Variants in KSR2 observed in about 807,000 individuals in gnomAD.
The protein encoded by KSR2 is kinase suppressor of ras 2.
A neutral mutation model predicts 107.8 loss-of-function variants in KSR2; 25 were observed. That is an observed-to-expected ratio of 0.23 (90% CI 0.17 to 0.32). KSR2 has a LOEUF of 0.32. KSR2 is among the 10% of genes least tolerant of loss of function. The probability of loss-of-function intolerance (pLI) is 1.00; values close to 1 mark genes in which losing one functional copy is unlikely to be tolerated. For missense variants in KSR2, 887 were observed against 1,268.9 expected (o/e 0.70, Z 4.57); for synonymous variants, 480 against 507.0 (o/e 0.95, Z 0.71).
At chr12:117,544,047 A>G (rs890198376) in intron 9 of KSR2, among the ~76,000 whole-genome samples, 5 of 152,184 alleles carry the variant, frequency 3.3e-5, no homozygotes, top group Non-Finnish European at 7.3e-5. Context: ...AAACTTGATT[A>G]TATCTGCAAA....
chr12:117,600,679 T>C (rs980878667), intron 5 of KSR2, among the ~76,000 whole-genome samples: 1 of 152,232 alleles, frequency 6.6e-6, no homozygotes, highest in African/African-American at 2.4e-5. Context: ...ACTTTGTCAA[T>C]AGGACCTTGA....
chr12:117,500,785 G>T (rs766455132), intron 14 of KSR2, among the ~76,000 whole-genome samples: 7 of 152,204 alleles, frequency 4.6e-5, no homozygotes, highest in Non-Finnish European at 8.8e-5. Context: ...TGAATGACTT[G>T]CCCAGTAATC....
intron 5 of KSR2, among the ~76,000 whole-genome samples, chr12:117,652,192 T>G (rs1316095770): frequency 6.6e-6 from 1 of 152,138 alleles, no homozygotes; most frequent in East Asian, 1.9e-4. Flanking sequence ...ATGAAAAGAC[T>G]ACAAATATGG....
intron 1 of KSR2, among the ~76,000 whole-genome samples, chr12:117,940,497 G>A (rs1312908359): frequency 6.6e-6 from 1 of 152,132 alleles, no homozygotes; most frequent in Non-Finnish European, 1.5e-5. Flanking sequence ...ATTTTCATCT[G>A]TATTTGAAAG....
At chr12:117,858,235 C>T (rs543474869) in intron 2 of KSR2, among the ~76,000 whole-genome samples, 5 of 152,264 alleles carry the variant, frequency 3.3e-5, no homozygotes, top group East Asian at 3.9e-4. Context: ...AGAATCGAAT[C>T]GTTTCTACCT....
intron 5 of KSR2, among the ~76,000 whole-genome samples, chr12:117,645,517 C>CT (rs1755388269): frequency 6.6e-6 from 1 of 152,212 alleles, no homozygotes; most frequent in Non-Finnish European, 1.5e-5. Flanking sequence ...CATCTCCTCA[C>CT]TATAGACCCC....
At chr12:117,644,037 C>T (rs563285710) in intron 5 of KSR2, among the ~76,000 whole-genome samples, 90 of 152,296 alleles carry the variant, frequency 5.9e-4, no homozygotes, top group African/African-American at 2.0e-3. Flanking sequence ...ATCTGTCTGT[C>T]GTCCATCCCA....
intron 7 of KSR2, among the ~76,000 whole-genome samples, chr12:117,562,180 C>G (rs1445262315): frequency 2.3e-5 from 3 of 128,814 alleles, no homozygotes; most frequent in African/African-American, 8.9e-5. Context: ...GTTCAAGGGT[C>G]AAAAGTTAAA....
intron 1 of KSR2, among the ~76,000 whole-genome samples, chr12:117,881,576 C>A (rs1894028215): frequency 6.6e-6 from 1 of 152,242 alleles, no homozygotes; most frequent in Non-Finnish European, 1.5e-5. Context: ...TTTGCTCAGG[C>A]TCTTTCTGTA....
At chr12:117,577,368 G>C (rs2063942) in intron 7 of KSR2, among the ~76,000 whole-genome samples, 2 of 127,836 alleles carry the variant, frequency 1.6e-5, no homozygotes, top group African/African-American at 4.1e-5. Context: ...AGAGAGAGAG[G>C]GGGGGAGAGA....
intron 5 of KSR2, among the ~76,000 whole-genome samples, chr12:117,629,601 G>C (rs536543769): frequency 6.6e-6 from 1 of 152,190 alleles, no homozygotes; most frequent in Admixed American, 6.5e-5. Flanking sequence ...TCAGTCACTA[G>C]TTCCATAATC....
chr12:117,582,335 G>T lies in KSR2; in HGVS notation c.1196C>A (p.Ser399Tyr). The change falls in exon 6 of 20, where the codon TCC (serine) becomes TAC (tyrosine). Residue 399 changes from serine (S) to tyrosine (Y), a missense_variant. Transcript: ENST00000339824. ...SANTLSVPRW[S>Y]PQIPRRDLGN... is the part of the protein sequence containing the mutation. ...GAGATCTCTGCGAGGGATCTGCGGG[G>T]ACCAGCGTGGCACTGACAGTGTGTC... is the stretch of plus-strand genomic sequence containing the variant. 6.2e-7 allele frequency: 1 copy of T among 1,613,812 alleles called. No homozygotes were observed. The highest frequency in any genetic ancestry group is 8.5e-7 in the Non-Finnish European group (1 of 1,179,824).
At chr12:117,893,768 G>A (rs1272560878) in intron 1 of KSR2, among the ~76,000 whole-genome samples, 1 of 152,200 alleles carries the variant, frequency 6.6e-6, no homozygotes, top group Admixed American at 6.5e-5. Flanking sequence ...CAAGAATACG[G>A]TAAGGAGAGT....
At chr12:117,833,984 T>A (rs1892089118) in intron 3 of KSR2, among the ~76,000 whole-genome samples, 1 of 151,262 alleles carries the variant, frequency 6.6e-6, no homozygotes, top group Non-Finnish European at 1.5e-5. Context: ...AAATTTTCAT[T>A]AAAAAAATTA....
At position 117,667,647 on chromosome 12, in the gene KSR2, T is replaced by C. The variant is rs1884721578; in HGVS notation, c.998A>G (p.Lys333Arg). 2.5e-6 allele frequency: 4 copies of C among 1,583,046 alleles called. No individual in the cohort carries two copies. The highest frequency in any genetic ancestry group is 2.3e-5 in the South Asian group (2 of 86,360). The change falls in exon 5 of 20, where the codon AAG (lysine) becomes AGG (arginine). Residue 333 changes from lysine to arginine, a missense_variant. Coordinates refer to ENST00000339824, the MANE Select transcript of KSR2 (RefSeq NM_173598.6). ...GATCTTGAGGTTCAAGGGTTTGCTC[T>C]TCTTCTTGGCTCTGAAAGGGAGACA... ...DEAHTPKAKK[K>R]SKPLNLKIHS...
chr12:117,714,474 G>C (rs1886905165), intron 4 of KSR2, among the ~76,000 whole-genome samples: 1 of 152,176 alleles, frequency 6.6e-6, no homozygotes. Context: ...GGGCCATAGG[G>C]AGAGAAAGAA....
intron 5 of KSR2, among the ~76,000 whole-genome samples, chr12:117,638,331 G>A (rs761759573): frequency 1.4e-4 from 21 of 152,054 alleles, no homozygotes; most frequent in Non-Finnish European, 2.2e-4. Flanking sequence ...TGAACAACAC[G>A]ACTGAAGTAA....
chr12:117,511,302 A>G (rs933171539), intron 14 of KSR2, among the ~76,000 whole-genome samples: 4 of 152,240 alleles, frequency 2.6e-5, no homozygotes, highest in Non-Finnish European at 5.9e-5. Flanking sequence ...AAATTTCTAT[A>G]TGGCAGAAAA....
At chr12:117,781,968 T>G (rs1180114479) in intron 3 of KSR2, among the ~76,000 whole-genome samples, 1 of 152,236 alleles carries the variant, frequency 6.6e-6, no homozygotes, top group Non-Finnish European at 1.5e-5. Flanking sequence ...GAACTAAGCA[T>G]GTTTAGATAC....
Sources: allele counts gnomAD v4.1 joint callset (sites outside exome capture counted in the v4.1 genomes callset), GRCh38; gene constraint gnomAD v4.1.1; transcripts MANE v1.5; gene names NCBI Gene and HGNC (gene_info 2026-07-23, HGNC 2026-07-21).